The following UBE2D3 variants were observed in gnomAD, a reference collection of about 807,000 sequenced individuals.
UBE2D3 encodes the protein ubiquitin conjugating enzyme E2 D3, also known as ubiquitin-conjugating enzyme E2 D3.
In UBE2D3, 2 loss-of-function variants were observed where a neutral mutation model predicts 22.8. The observed-to-expected ratio is 0.09, with a 90% CI of 0.04 to 0.28. UBE2D3 has a LOEUF of 0.28. UBE2D3 is among the 10% of genes least tolerant of loss of function. The probability of loss-of-function intolerance (pLI) is 1.00; values close to 1 mark genes in which losing one functional copy is unlikely to be tolerated. For missense variants in UBE2D3, 27 were observed against 182.5 expected (o/e 0.15, Z 4.91); for synonymous variants, 56 against 60.4 (o/e 0.93, Z 0.34).
At chr4:102,798,386 T>C (rs1334858621) in intron 7 of UBE2D3, among the ~76,000 whole-genome samples, 1 of 150,972 alleles carries the variant, frequency 6.6e-6, no homozygotes, top group African/African-American at 2.4e-5. Context: ...TCCTAAACTT[T>C]TTAAAAAGTT....
chr4:102,816,509 T>A (rs1728795787), intron 2 of UBE2D3, among the ~76,000 whole-genome samples: 1 of 152,242 alleles, frequency 6.6e-6, no homozygotes, highest in Admixed American at 6.5e-5. Context: ...CCATTCATTG[T>A]TAACTATCCC....
chr4:102,825,321 C>T (rs2110331694), intron 2 of UBE2D3: 1 of 990,802 alleles, frequency 1.0e-6, no homozygotes, highest in Non-Finnish European at 1.2e-6. Flanking sequence ...CCACCCTCTT[C>T]GATTGTGCAA....
chr4:102,835,575 T>C (rs1013359303), intron 1 of UBE2D3, among the ~76,000 whole-genome samples: 1 of 152,150 alleles, frequency 6.6e-6, no homozygotes, highest in East Asian at 1.9e-4. Context: ...GCCAGAGATA[T>C]GTGCTTTTTG....
Position 102,820,231 on chromosome 4 carries a change from TTTA to T in UBE2D3, c.24+6251_24+6253del, listed in dbSNP as rs958313728. ...ATAAAGATCTGGTTTACTATAAAGT[TTTA>T]TTAACTTTAATGTTATGAAATGTCT... On this transcript the variant is annotated intron_variant, in intron 2 of 7. Coordinates refer to ENST00000453744, the MANE Select transcript of UBE2D3 (RefSeq NM_181891.3). 5.1e-4 allele frequency among the ~76,000 whole-genome samples: 78 copies of T among 152,176 alleles called. 4 individuals carry two copies. The highest frequency in any genetic ancestry group is 1.5e-5 in the Non-Finnish European group (1 of 68,030).
chr4:102,802,758 A>C (rs1726393650), intron 4 of UBE2D3, 120 bp from the exon 5 acceptor site: 1 of 623,868 alleles, frequency 1.6e-6, no homozygotes, highest in African/African-American at 1.9e-5. Flanking sequence ...CACTGCAATA[A>C]ATAATCTATT....
chr4:102,814,975 TTAACTCAA>T (rs1198013592), intron 2 of UBE2D3, among the ~76,000 whole-genome samples: 1 of 152,172 alleles, frequency 6.6e-6, no homozygotes, highest in Non-Finnish European at 1.5e-5. Flanking sequence ...TTACTCATAA[TTAACTCAA>T]TAAACATACT....
chr4:102,822,891 GCGCCA>G (rs956305049), intron 2 of UBE2D3, among the ~76,000 whole-genome samples: 3 of 147,216 alleles, frequency 2.0e-5, no homozygotes, highest in Middle Eastern at 6.9e-3. Context: ...AGCTGAGATC[GCGCCA>G]CTGCACTCCA....
chr4:102,836,923 A>T (rs1193594915), intron 1 of UBE2D3: 1 of 152,240 alleles, frequency 6.6e-6, no homozygotes, highest in African/African-American at 2.4e-5. Flanking sequence ...TTTTTAACTA[A>T]TAAAGTCATA....
intron 1 of UBE2D3, among the ~76,000 whole-genome samples, chr4:102,842,231 AG>A (rs1487680568): frequency 2.0e-5 from 3 of 151,640 alleles, no homozygotes; most frequent in African/African-American, 7.3e-5. Flanking sequence ...GAGGGAGTAA[AG>A]TTTTGATACT....
intron 2 of UBE2D3, among the ~76,000 whole-genome samples, chr4:102,817,148 A>T (rs1728889071): frequency 6.6e-6 from 1 of 152,196 alleles, no homozygotes; most frequent in African/African-American, 2.4e-5. Flanking sequence ...AGGGCATAAA[A>T]ATTTGCCAGA....
chr4:102,845,027 A>C (rs1731973452), intron 1 of UBE2D3, among the ~76,000 whole-genome samples: 1 of 150,924 alleles, frequency 6.6e-6, no homozygotes, highest in Admixed American at 6.6e-5. Context: ...ATCTCAAAAA[A>C]AAAAAAAAAA....
At chr4:102,847,501 G>A (rs1028316123) in intron 1 of UBE2D3, among the ~76,000 whole-genome samples, 2 of 151,416 alleles carry the variant, frequency 1.3e-5, no homozygotes, top group South Asian at 2.1e-4. Context: ...TAGTCAGGCT[G>A]GTCTTGAACT....
At chr4:102,800,703 T>C (rs1432320468) in intron 6 of UBE2D3, among the ~76,000 whole-genome samples, 1 of 152,122 alleles carries the variant, frequency 6.6e-6, no homozygotes, top group Non-Finnish European at 1.5e-5. Context: ...GAAATGCTAC[T>C]GCTACAGTCT....
At chr4:102,868,693 G>C in intron 1 of UBE2D3, 3 of 1,613,920 alleles carry the variant, frequency 1.9e-6, no homozygotes, top group Non-Finnish European at 2.5e-6. Flanking sequence ...AGGGGACGAA[G>C]TAGAGACAGC....
At chr4:102,815,703 C>G (rs564600149) in intron 2 of UBE2D3, among the ~76,000 whole-genome samples, 1 of 152,220 alleles carries the variant, frequency 6.6e-6, no homozygotes, top group East Asian at 1.9e-4. Context: ...TTGTTACTCT[C>G]CTAACATTTC....
At chr4:102,827,067 G>A (rs223391) in intron 1 of UBE2D3, 183,148 of 989,052 alleles carry the variant, frequency 0.19, 17,865 homozygotes, top group Admixed American at 0.23. Context: ...GGAAAAGGAA[G>A]GAAATAAAGG....
intron 1 of UBE2D3, chr4:102,827,161 C>A (rs1730680184): frequency 2.0e-6 from 2 of 986,996 alleles, no homozygotes; most frequent in Non-Finnish European, 1.2e-6. Flanking sequence ...ACTCCGCCTT[C>A]CAGCGCGCTC....
In UBE2D3 at chr4:102,868,520, C is replaced by G. The variant is rs529865471; in HGVS notation, c.-129+195G>C. 2.6e-5 allele frequency among the ~76,000 whole-genome samples: 4 copies of G among 152,164 alleles called. No individual in the cohort carries two copies. The East Asian group carries it at 7.7e-4, about 29-fold the overall frequency. On this transcript the variant is annotated intron_variant, in intron 1 of 7. Transcript: ENST00000338145. ...CCAAGGGGCAGAGATGTAAACAGTT[C>G]CTGGTTTAGTTAAAATATTTTAATT...
intron 2 of UBE2D3, chr4:102,819,617 C>T (rs1201229557): frequency 2.0e-6 from 2 of 985,176 alleles, no homozygotes; most frequent in African/African-American, 1.7e-5. Context: ...TAGGTTTCAT[C>T]CCCCCAAGGC....
Sources: allele counts gnomAD v4.1 joint callset (sites outside exome capture counted in the v4.1 genomes callset), GRCh38; gene constraint gnomAD v4.1.1; transcripts MANE v1.5; gene names NCBI Gene and HGNC (gene_info 2026-07-23, HGNC 2026-07-21).